Variants in PIGF observed in about 807,000 individuals in gnomAD.
The protein encoded by PIGF is phosphatidylinositol glycan anchor biosynthesis class F.
In PIGF, 23 loss-of-function variants were observed where a neutral mutation model predicts 26.0. That is an observed-to-expected ratio of 0.88 (90% CI 0.64 to 1.25). The LOEUF (loss-of-function observed/expected upper bound fraction) is 1.25. Ranked by LOEUF, PIGF falls within the 50% of genes most tolerant of loss-of-function variation. PIGF has a pLI of 0.00. For missense variants in PIGF, 278 were observed against 249.9 expected (o/e 1.11, Z -0.76); for synonymous variants, 93 against 92.6 (o/e 1.00, Z -0.03).
chr2:46,611,950 TTTC>T (rs1349386747), intron 4 of PIGF, among the ~76,000 whole-genome samples: 27 of 147,688 alleles, frequency 1.8e-4, no homozygotes, highest in East Asian at 9.7e-4. Flanking sequence ...TTTTTTTTTA[TTTC>T]TTCTTCTTCT....
intron 2 of PIGF, chr2:46,614,654 G>T: frequency 4.2e-6 from 1 of 237,320 alleles, no homozygotes; most frequent in Non-Finnish European, 8.3e-6. Flanking sequence ...ACTGTCACAC[G>T]TATTTATTTT....
intron 4 of PIGF, among the ~76,000 whole-genome samples, chr2:46,603,412 A>G (rs1670121122): frequency 1.3e-5 from 2 of 152,110 alleles, no homozygotes; most frequent in African/African-American, 4.8e-5. Context: ...AGCTATCCTG[A>G]GCAAAAAGAA....
chr2:46,592,754 G>A (rs528906440), intron 4 of PIGF, among the ~76,000 whole-genome samples, 171 bp from the exon 5 acceptor site: 14 of 152,336 alleles, frequency 9.2e-5, no homozygotes, highest in Admixed American at 1.3e-4. Context: ...TAATTGGTAA[G>A]AAGATGTAAA....
At chr2:46,605,531 C>G (rs1419373999) in intron 4 of PIGF, among the ~76,000 whole-genome samples, 1 of 152,174 alleles carries the variant, frequency 6.6e-6, no homozygotes, top group South Asian at 2.1e-4. Context: ...TCTTAAGAAC[C>G]TATTATTTGA....
Position 46,592,440 on chromosome 2 carries a change from C to G in PIGF, c.546+35G>C, listed in dbSNP as rs753587300. ...ATCTGTTTTACTATCATTGTACAAA[C>G]ATTTATTTTGTTGCTTTAAGTAACT... On this transcript the variant is annotated intron_variant, in intron 5 of 5. Transcript: ENST00000281382. 2.9e-6 allele frequency: 3 copies of G among 1,033,744 alleles called. No individual in the cohort carries two copies. In the African/African-American group the frequency reaches 4.7e-5, roughly 16 times the overall value. The allele number at this position is 1,033,744 out of a possible 1,614,324, so 64.0% of individuals were successfully genotyped here.
Position 46,589,053 on chromosome 2 carries a change from T to C in PIGF, c.546+3422A>G, listed in dbSNP as rs78489927. Among the ~76,000 whole-genome samples the C allele has an allele frequency of 8.5e-4, 129 of 152,258 alleles. No homozygotes were observed. Among genetic ancestry groups the C allele is most frequent in the African/African-American group, 2.8e-3 (118 of 41,578 alleles). On this transcript the variant is annotated intron_variant, in intron 5 of 5. Coordinates refer to ENST00000281382, the MANE Select transcript of PIGF (RefSeq NM_002643.4). The surrounding 1 kb of genome is among the most constrained non-coding windows in gnomAD (Gnocchi z 4.7). ...ATTATGGGAAATTCAAATATTTGTT[T>C]TCTTGCTGAGATTTTAAGGCAAATA... is the stretch of plus-strand genomic sequence containing the variant.
rs929753536 is a variant in PIGF at position 46,584,930 on chromosome 2, A to T, written c.547-3339T>A. 4.6e-5 allele frequency among the ~76,000 whole-genome samples: 7 copies of T among 152,332 alleles called. No individual in the cohort carries two copies. The East Asian group carries it at 9.6e-4, about 21-fold the overall frequency. ...TCTTATAATTATTCTAAAAATTTTT[A>T]AACTACACTATGGCAACAGAATTCA... On this transcript the variant is annotated intron_variant, in intron 5 of 5. Coordinates refer to ENST00000281382, the MANE Select transcript of PIGF (RefSeq NM_002643.4).
Position 46,581,106 on chromosome 2 carries a change from A to C in PIGF, c.*372T>G, listed in dbSNP as rs1572761788. ...TGAGAAACATCTTCAGTGGCCAAGG[A>C]AACTGTCCATTTCTCTCAGAAAGCA... On this transcript the variant is annotated 3_prime_UTR_variant, in exon 6 of 6. Coordinates refer to ENST00000281382, the MANE Select transcript of PIGF (RefSeq NM_002643.4). 1.2e-6 allele frequency: 1 copy of C among 817,016 alleles called. No individual in the cohort carries two copies. Among genetic ancestry groups the C allele is most frequent in the South Asian group, 2.2e-5 (1 of 45,626 alleles). 50.6% of individuals were successfully genotyped at this position (817,016 alleles called of 1,614,324 possible).
At chr2:46,613,973 G>A in intron 2 of PIGF, 188 bp from the exon 3 acceptor site, 1 of 503,508 alleles carries the variant, frequency 2.0e-6, no homozygotes, top group Non-Finnish European at 3.5e-6. Context: ...GACTAAAAAA[G>A]CCTAAAAGGC....
intron 4 of PIGF, among the ~76,000 whole-genome samples, chr2:46,598,529 ATTTTT>A (rs747263045): frequency 1.1e-4 from 11 of 103,506 alleles, no homozygotes; most frequent in South Asian, 3.5e-4. Flanking sequence ...ACATTATGAG[ATTTTT>A]TTTTTTTTTT....
intron 4 of PIGF, among the ~76,000 whole-genome samples, chr2:46,603,399 C>T (rs1670120685): frequency 6.6e-6 from 1 of 151,934 alleles, no homozygotes; most frequent in African/African-American, 2.4e-5. Flanking sequence ...CCAGAATAGC[C>T]AAAGCTATCC....
chr2:46,609,304 AG>A (rs1167344676), intron 4 of PIGF, among the ~76,000 whole-genome samples: 1 of 152,236 alleles, frequency 6.6e-6, no homozygotes, highest in Non-Finnish European at 1.5e-5. Flanking sequence ...ACAGAAATGA[AG>A]AGAGTGAGAG....
At chr2:46,612,573 G>C (rs184136543) in intron 3 of PIGF, among the ~76,000 whole-genome samples, 47 of 152,264 alleles carry the variant, frequency 3.1e-4, no homozygotes, top group Admixed American at 2.5e-3. Flanking sequence ...AAGTGTTAAA[G>C]ACCCTAGGAT....
rs201680282 is a variant in PIGF, at chr2:46,587,481, CA to C, written c.546+4993del. On this transcript the variant is annotated intron_variant, in intron 5 of 5. Transcript: ENST00000281382. Reference sequence around the variant, plus strand: ...AAAATTTTTAAATACAACAATGCCTCATTTATCTGGTGTCTGTTGAGAATAA... The same window carrying C: ...AAAATTTTTAAATACAACAATGCCTCTTTATCTGGTGTCTGTTGAGAATAA... 4.5e-3 allele frequency among the ~76,000 whole-genome samples: 679 copies of C among 151,782 alleles called. 5 individuals are homozygous for C. Among genetic ancestry groups the C allele is most frequent in the African/African-American group, 0.016 (659 of 41,412 alleles).
chr2:46,592,256 C>T (rs955052911), intron 5 of PIGF, among the ~76,000 whole-genome samples: 2 of 152,012 alleles, frequency 1.3e-5, no homozygotes, highest in Non-Finnish European at 2.9e-5. Flanking sequence ...TACACATGTG[C>T]AAAAAATAGT....
chr2:46,590,926 C>T (rs1177221392), intron 5 of PIGF, among the ~76,000 whole-genome samples: 1 of 152,190 alleles, frequency 6.6e-6, no homozygotes, highest in East Asian at 1.9e-4. Flanking sequence ...GACACGACAT[C>T]TAACTGAAAG....
chr2:46,606,837 T>C (rs1295765911), intron 4 of PIGF, among the ~76,000 whole-genome samples: 1 of 152,102 alleles, frequency 6.6e-6, no homozygotes, highest in East Asian at 1.9e-4. Flanking sequence ...AAATGCAAAA[T>C]GTGGAAAGAA....
intron 4 of PIGF, among the ~76,000 whole-genome samples, chr2:46,598,022 T>C (rs1342443413): frequency 1.3e-5 from 2 of 152,192 alleles, no homozygotes; most frequent in African/African-American, 4.8e-5. Context: ...CCCTTACTCT[T>C]GCTAGGTATA....
chr2:46,607,847 A>AAG (rs1670274295), intron 4 of PIGF, among the ~76,000 whole-genome samples: 4 of 152,134 alleles, frequency 2.6e-5, no homozygotes, highest in South Asian at 2.1e-4. Context: ...GGGGCCTACC[A>AAG]GCACGCCCAG....
Sources: allele counts gnomAD v4.1 joint callset (sites outside exome capture counted in the v4.1 genomes callset), GRCh38; gene constraint gnomAD v4.1.1; non-coding constraint Gnocchi (gnomAD v3.1); transcripts MANE v1.5; gene names NCBI Gene and HGNC (gene_info 2026-07-23, HGNC 2026-07-21).